Variants in GABRG3 observed in about 807,000 individuals in gnomAD.
GABRG3 encodes the protein gamma-aminobutyric acid type A receptor subunit gamma3.
A neutral mutation model predicts 48.8 loss-of-function variants in GABRG3; 25 were observed. The observed-to-expected ratio is 0.51, with a 90% CI of 0.37 to 0.72. The LOEUF is 0.72. GABRG3 is among the 30% of genes least tolerant of loss of function. The pLI is 0.00. For synonymous variants in GABRG3, 227 were observed against 217.6 expected, an observed-to-expected ratio of 1.04 and a Z score of -0.38; for missense variants, 394 against 577.9, an observed-to-expected ratio of 0.68 and a Z score of 3.26.
intron 7 of GABRG3, among the ~76,000 whole-genome samples, chr15:27,522,813 A>G (rs1037542956): frequency 1.3e-5 from 2 of 151,922 alleles, no homozygotes; most frequent in African/African-American, 4.8e-5. Context: ...TAAAAGCAAC[A>G]AAAACTGAGA....
At chr15:27,177,218 C>G (rs938839315) in intron 3 of GABRG3, among the ~76,000 whole-genome samples, 2 of 152,106 alleles carry the variant, frequency 1.3e-5, no homozygotes, top group African/African-American at 4.8e-5. Context: ...GAGTCAGATC[C>G]TTGGTATGAG....
chr15:27,427,363 C>T (rs565428594), intron 5 of GABRG3, among the ~76,000 whole-genome samples: 29 of 152,278 alleles, frequency 1.9e-4, no homozygotes, highest in African/African-American at 7.0e-4. Context: ...TGCAGTGTGG[C>T]TGCCAAGAGT....
At chr15:27,323,775 T>C (rs1025126926) in intron 3 of GABRG3, among the ~76,000 whole-genome samples, 7 of 152,122 alleles carry the variant, frequency 4.6e-5, no homozygotes, top group African/African-American at 2.4e-5. Flanking sequence ...CAGAACCCTT[T>C]CCCTCCTTCC....
chr15:27,492,682 A>T (rs1260667862), intron 6 of GABRG3, among the ~76,000 whole-genome samples: 1 of 152,228 alleles, frequency 6.6e-6, no homozygotes, highest in Admixed American at 6.5e-5. Flanking sequence ...AAAGTAGAAC[A>T]TCTATTTGTT....
At chr15:27,044,859 C>T (rs1896335992) in intron 3 of GABRG3, among the ~76,000 whole-genome samples, 1 of 152,312 alleles carries the variant, frequency 6.6e-6, no homozygotes, top group South Asian at 2.1e-4. Flanking sequence ...CTGTGATTGG[C>T]TGAGACTCAA....
At chr15:27,389,986 AT>A (rs760308876) in intron 5 of GABRG3, among the ~76,000 whole-genome samples, 7 of 152,212 alleles carry the variant, frequency 4.6e-5, no homozygotes, top group Non-Finnish European at 1.0e-4. Context: ...CTTAGGCTAA[AT>A]TTTTGTGTGC....
intron 3 of GABRG3, among the ~76,000 whole-genome samples, chr15:27,057,692 G>C (rs1361504677): frequency 6.6e-6 from 1 of 152,168 alleles, no homozygotes; most frequent in African/African-American, 2.4e-5. Flanking sequence ...GTAAAAACTG[G>C]TGTTGTTGTC....
At chr15:27,151,987 C>T (rs1032605702) in intron 3 of GABRG3, among the ~76,000 whole-genome samples, 1 of 152,142 alleles carries the variant, frequency 6.6e-6, no homozygotes, top group Non-Finnish European at 1.5e-5. Flanking sequence ...GTTTTTCATA[C>T]AGCAAATTTT....
Position 27,533,180 on chromosome 15 carries a change from T to C in GABRG3, c.*299T>C, listed in dbSNP as rs897841834. 2 of 316,994 alleles carry C rather than the reference T, an allele frequency of 6.3e-6. No homozygotes were observed. The highest frequency in any genetic ancestry group is 1.2e-5 in the Non-Finnish European group (2 of 170,104). The allele number at this position is 316,994 out of a possible 1,614,324, so 19.6% of individuals were successfully genotyped here. On this transcript the variant is annotated 3_prime_UTR_variant, in exon 10 of 10. Transcript: ENST00000615808. ...GTTTTTGGATATTGGAAGCAGCCGC[T>C]GATTACCCTTGCAAAGAAATCTGTA...
chr15:27,498,721 G>T (rs761148869), intron 6 of GABRG3, among the ~76,000 whole-genome samples: 1 of 151,902 alleles, frequency 6.6e-6, no homozygotes. Flanking sequence ...GGCCAGGCTG[G>T]TCTCAAACTC....
At chr15:27,276,960 C>T (rs1891274744) in intron 3 of GABRG3, among the ~76,000 whole-genome samples, 1 of 152,134 alleles carries the variant, frequency 6.6e-6, no homozygotes, top group Non-Finnish European at 1.5e-5. Flanking sequence ...GATTGATTGG[C>T]TATCTGGGAG....
chr15:27,246,697 T>C (rs1024707192), intron 3 of GABRG3, among the ~76,000 whole-genome samples: 72 of 152,174 alleles, frequency 4.7e-4, no homozygotes, highest in African/African-American at 1.6e-3. Context: ...AGTAGTTGCC[T>C]TGAATTAAAA....
chr15:27,222,157 G>C (rs1889474655), intron 3 of GABRG3, among the ~76,000 whole-genome samples: 1 of 152,108 alleles, frequency 6.6e-6, no homozygotes, highest in Admixed American at 6.5e-5. Flanking sequence ...TCTCTGCTTT[G>C]TGAGTGCTAC....
intron 5 of GABRG3, among the ~76,000 whole-genome samples, chr15:27,354,089 T>C (rs1222024648): frequency 6.6e-6 from 1 of 152,158 alleles, no homozygotes; most frequent in African/African-American, 2.4e-5. Flanking sequence ...TCCAGGCCTG[T>C]ACCGACTAAG....
rs532512296 is a variant in GABRG3, at chr15:27,484,957, C to A, written c.712+4170C>A. On this transcript the variant is annotated intron_variant, in intron 6 of 9. Coordinates refer to ENST00000615808, the MANE Select transcript of GABRG3 (RefSeq NM_033223.5). ...GGAGAACACAGATAAATCCCCCATG[C>A]AGAATTTCACATGATTTATGTGGAT... Among the ~76,000 whole-genome samples the A allele has an allele frequency of 1.7e-4, 26 of 152,300 alleles. No homozygotes were observed. The South Asian group carries it at 5.4e-3, about 32-fold the overall frequency.
At position 27,487,940 on chromosome 15, in the gene GABRG3, A is replaced by G. The variant is rs139828037; in HGVS notation, c.712+7153A>G. Among the ~76,000 whole-genome samples the G allele has an allele frequency of 7.0e-4, 106 of 152,316 alleles. 1 individual carries two copies. Among genetic ancestry groups the G allele is most frequent in the African/African-American group, 2.3e-3 (96 of 41,558 alleles). ...AGGCCACTATCCCATGACGCAAATG[A>G]CAAACTGAATCTTAAAAGTATCTTA... On this transcript the variant is annotated intron_variant, in intron 6 of 9. Transcript: ENST00000615808.
At chr15:27,257,494 GT>G (rs34120427) in intron 3 of GABRG3, among the ~76,000 whole-genome samples, 13,180 of 152,124 alleles carry the variant, frequency 0.087, 927 homozygotes, top group African/African-American at 0.18. Context: ...TCTCCTAGAA[GT>G]TCTATAGTTT....
intron 5 of GABRG3, among the ~76,000 whole-genome samples, chr15:27,471,526 T>A (rs1458315649): frequency 6.6e-5 from 10 of 152,206 alleles, no homozygotes; most frequent in Non-Finnish European, 1.5e-4. Flanking sequence ...AACTATAAAC[T>A]AAATTTTCCC....
chr15:27,445,119 C>T (rs142414616), intron 5 of GABRG3, among the ~76,000 whole-genome samples: 185 of 152,252 alleles, frequency 1.2e-3, no homozygotes, highest in Middle Eastern at 0.01. Context: ...GTGATCCACC[C>T]GCCTCGGCTT....
Sources: gnomAD v4.1 joint callset for allele counts (sites outside exome capture counted in the v4.1 genomes callset) on GRCh38, gnomAD v4.1.1 for gene constraint, MANE v1.5 for transcripts, NCBI Gene and HGNC (gene_info 2026-07-23, HGNC 2026-07-21) for gene names.